The following TBL1Y variants were observed in gnomAD, a reference collection of about 807,000 sequenced individuals.
The protein encoded by TBL1Y is transducin beta like 1 Y-linked, also known as F-box-like/WD repeat-containing protein TBL1Y.
In TBL1Y, 15 loss-of-function variants were observed where a neutral mutation model predicts 12.0. That is an observed-to-expected ratio of 1.25 (90% CI 0.83 to 1.92). The LOEUF is 1.92. TBL1Y is among the 40% of genes most tolerant of loss of function. The pLI is 0.00. For missense variants in TBL1Y, 148 were observed against 116.7 expected (o/e 1.27, Z -1.24); for synonymous variants, 53 against 42.6 (o/e 1.24, Z -0.95).
At chrY:6,922,438 A>G (rs2011787517) in intron 2 of TBL1Y, among the ~76,000 whole-genome samples, 1 of 33,914 alleles carries the variant, frequency 2.9e-5, no homozygotes, top group African/African-American at 1.2e-4. Flanking sequence ...AAGTTCTCCA[A>G]GTCCCCACTA....
chrY:6,963,288 C>T (rs1036650479), intron 2 of TBL1Y, among the ~76,000 whole-genome samples: 1 of 32,896 alleles, frequency 3.0e-5, no homozygotes, highest in African/African-American at 1.2e-4. Context: ...AAACATCAGC[C>T]CCCATATCCA....
At chrY:7,042,244 AG>A (rs2012726540) in intron 6 of TBL1Y, among the ~76,000 whole-genome samples, 1 of 32,218 alleles carries the variant, frequency 3.1e-5, no homozygotes, top group Non-Finnish European at 7.5e-5. Context: ...GTGTGCTTGC[AG>A]GGGGTGACAC....
At chrY:6,993,188 CT>C (rs2012380414) in intron 3 of TBL1Y, among the ~76,000 whole-genome samples, 4 of 17,992 alleles carry the variant, frequency 2.2e-4, no homozygotes, top group Admixed American at 1.0e-3. Context: ...CTCCAAGTTC[CT>C]TTTCTTTCTT....
At chrY:6,954,862 A>G in intron 2 of TBL1Y, among the ~76,000 whole-genome samples, 11 of 33,879 alleles carry the variant, frequency 3.2e-4, no homozygotes, top group Admixed American at 2.9e-3. Flanking sequence ...AAGGGGAGAC[A>G]TAAAATTTGC....
chrY:7,040,255 TC>T (rs2012715253), intron 6 of TBL1Y, among the ~76,000 whole-genome samples: 1 of 34,387 alleles, frequency 2.9e-5, no homozygotes, highest in African/African-American at 1.1e-4. Context: ...AGAAATTCCT[TC>T]CAGCAGACAA....
At chrY:7,030,903 T>C (rs2012651396) in intron 6 of TBL1Y, among the ~76,000 whole-genome samples, 2 of 33,276 alleles carry the variant, frequency 6.0e-5, no homozygotes, top group South Asian at 1.3e-3. Flanking sequence ...GACACAGTAG[T>C]TATTAATAAA....
chrY:7,072,419 G>C, intron 12 of TBL1Y, among the ~76,000 whole-genome samples: 6 of 33,855 alleles, frequency 1.8e-4, no homozygotes, highest in Non-Finnish European at 3.7e-4. Context: ...GTGATAGAGA[G>C]AGGAAGATCT....
intron 7 of TBL1Y, among the ~76,000 whole-genome samples, chrY:7,054,325 A>G (rs954292178): frequency 3.3e-4 from 11 of 33,754 alleles, no homozygotes; most frequent in Non-Finnish European, 6.6e-4. Context: ...GACCAGTCAG[A>G]TAGTAAAGAG....
At chrY:6,938,697 G>A (rs2011922238) in intron 2 of TBL1Y, among the ~76,000 whole-genome samples, 1 of 33,789 alleles carries the variant, frequency 3.0e-5, no homozygotes, top group Non-Finnish European at 7.3e-5. Flanking sequence ...CAAGAATGAA[G>A]CCATGTACCC....
chrY:6,932,850 C>T, intron 2 of TBL1Y, among the ~76,000 whole-genome samples: 2 of 32,658 alleles, frequency 6.1e-5, no homozygotes, highest in African/African-American at 2.4e-4. Flanking sequence ...TCTCCCAGCC[C>T]CAGGCCACCA....
At chrY:6,964,209 C>T in intron 2 of TBL1Y, among the ~76,000 whole-genome samples, 1 of 34,162 alleles carries the variant, frequency 2.9e-5, no homozygotes, top group Admixed American at 2.7e-4. Context: ...CTGCTGAAAC[C>T]TTTCCTCTTA....
intron 4 of TBL1Y, among the ~76,000 whole-genome samples, chrY:7,000,020 G>T (rs1045415511): frequency 1.4e-3 from 46 of 31,808 alleles, no homozygotes; most frequent in African/African-American, 5.7e-3. Flanking sequence ...CAGAATAGGA[G>T]TCTTCTTCAT....
intron 2 of TBL1Y, among the ~76,000 whole-genome samples, chrY:6,936,052 G>A: frequency 5.9e-5 from 2 of 34,101 alleles, no homozygotes; most frequent in African/African-American, 2.3e-4. Flanking sequence ...GGACCGCACC[G>A]ACTTTGAGGG....
chrY:6,958,515 T>G (rs2012083956), intron 2 of TBL1Y, among the ~76,000 whole-genome samples: 1 of 32,688 alleles, frequency 3.1e-5, no homozygotes, highest in Non-Finnish European at 7.5e-5. Context: ...GGGCCCAGGG[T>G]ACCGGCACTC....
intron 3 of TBL1Y, among the ~76,000 whole-genome samples, chrY:6,993,844 C>T (rs2012391825): frequency 3.3e-5 from 1 of 30,449 alleles, no homozygotes; most frequent in South Asian, 7.9e-4. Context: ...TGTTAATGTA[C>T]GTATTTAAAT....
chrY:6,981,531 A>G (rs764516469), intron 3 of TBL1Y, among the ~76,000 whole-genome samples: 1 of 33,551 alleles, frequency 3.0e-5, no homozygotes, highest in South Asian at 6.6e-4. Flanking sequence ...TTAGAAAACT[A>G]ATAAAGAATA....
chrY:6,924,252 C>G, intron 2 of TBL1Y, among the ~76,000 whole-genome samples: 1 of 32,996 alleles, frequency 3.0e-5, no homozygotes, highest in Admixed American at 2.8e-4. Context: ...GACACCTGTG[C>G]TCCTTCAGTT....
intron 6 of TBL1Y, among the ~76,000 whole-genome samples, chrY:7,040,922 T>C (rs1603042500): frequency 2.9e-5 from 1 of 34,361 alleles, no homozygotes; most frequent in East Asian, 7.7e-4. Context: ...GTCAGTTCTG[T>C]GGCCCAGTGT....
chrY:6,917,803 C>T (rs2011745305), intron 2 of TBL1Y, among the ~76,000 whole-genome samples: 1 of 32,601 alleles, frequency 3.1e-5, no homozygotes, highest in East Asian at 8.2e-4. Flanking sequence ...TTAATATCAT[C>T]ACAGAGGTAC....
Sources: gnomAD v4.1 joint callset for allele counts (sites outside exome capture counted in the v4.1 genomes callset) on GRCh38, gnomAD v4.1.1 for gene constraint, MANE v1.5 for transcripts, NCBI Gene and HGNC (gene_info 2026-07-23, HGNC 2026-07-21) for gene names.